The following ROBO1 variants were observed in gnomAD, a reference collection of about 807,000 sequenced individuals.
The protein encoded by ROBO1 is roundabout guidance receptor 1, also known as roundabout homolog 1.
In ROBO1, 149 loss-of-function variants were observed where a neutral mutation model predicts 195.9. The observed-to-expected ratio is 0.76, with a 90% CI of 0.67 to 0.87. ROBO1 has a LOEUF of 0.87. Ranked by LOEUF, ROBO1 falls within the 40% of genes least tolerant of loss-of-function variation. The pLI is 0.00. For synonymous variants in ROBO1, 816 were observed against 733.2 expected (o/e 1.11, Z -1.82); for missense variants, 1,933 against 2,068.3 (o/e 0.93, Z 1.27).
At chr3:78,853,233 T>C (rs939151388) in intron 4 of ROBO1, among the ~76,000 whole-genome samples, 4 of 151,074 alleles carry the variant, frequency 2.6e-5, no homozygotes, top group Non-Finnish European at 5.9e-5. Context: ...GGAGAGGTGA[T>C]GGGAGGGAGG....
At chr3:79,246,503 G>A (rs1188051868) in intron 2 of ROBO1, among the ~76,000 whole-genome samples, 1 of 151,960 alleles carries the variant, frequency 6.6e-6, no homozygotes, top group African/African-American at 2.4e-5. Context: ...TGGAAAGCCT[G>A]CTTAAATGTG....
At chr3:79,091,319 G>T (rs1248417800) in intron 3 of ROBO1, among the ~76,000 whole-genome samples, 1 of 152,048 alleles carries the variant, frequency 6.6e-6, no homozygotes, top group Non-Finnish European at 1.5e-5. Context: ...TTCAGGCATG[G>T]TTTGGCAGTG....
intron 3 of ROBO1, among the ~76,000 whole-genome samples, chr3:79,063,265 T>C (rs958154699): frequency 2.0e-5 from 3 of 151,922 alleles, no homozygotes; most frequent in African/African-American, 7.2e-5. Flanking sequence ...TGACTCCTGC[T>C]CCCATTCTCC....
chr3:79,067,215 A>T (rs2079018109), intron 3 of ROBO1, among the ~76,000 whole-genome samples: 1 of 151,970 alleles, frequency 6.6e-6, no homozygotes, highest in Non-Finnish European at 1.5e-5. Context: ...TATAATACTT[A>T]TGTAAAAAAA....
chr3:79,587,760 G>A (rs1475318082), intron 2 of ROBO1, among the ~76,000 whole-genome samples: 1 of 151,558 alleles, frequency 6.6e-6, no homozygotes, highest in East Asian at 1.9e-4. Flanking sequence ...GAAGAATCAA[G>A]ACTTCTCATC....
At chr3:79,170,061 A>C (rs1242206028) in intron 2 of ROBO1, among the ~76,000 whole-genome samples, 1 of 152,164 alleles carries the variant, frequency 6.6e-6, no homozygotes, top group Non-Finnish European at 1.5e-5. Flanking sequence ...GTCTTTAACA[A>C]CAAAGGAAAC....
chr3:79,039,396 G>C (rs975314582), intron 3 of ROBO1, among the ~76,000 whole-genome samples: 1 of 152,178 alleles, frequency 6.6e-6, no homozygotes, highest in Non-Finnish European at 1.5e-5. Flanking sequence ...GTCAACTTGA[G>C]TCATCTGTGG....
intron 1 of ROBO1, among the ~76,000 whole-genome samples, chr3:79,695,611 C>CA (rs373367957): frequency 7.9e-5 from 12 of 151,022 alleles, no homozygotes; most frequent in African/African-American, 2.9e-4. Context: ...GTGGAGAATG[C>CA]AAAAAACTCC....
chr3:78,813,090 C>G (rs778280935), intron 4 of ROBO1, among the ~76,000 whole-genome samples: 3 of 151,884 alleles, frequency 2.0e-5, no homozygotes, highest in African/African-American at 4.8e-5. Context: ...TTAAGTGATT[C>G]ATTAACAAAA....
chr3:78,676,752 C>A (rs1708459883), intron 10 of ROBO1, among the ~76,000 whole-genome samples: 1 of 152,210 alleles, frequency 6.6e-6, no homozygotes, highest in Admixed American at 6.5e-5. Flanking sequence ...AAACACTCTG[C>A]AGGATATTAT....
At chr3:79,260,771 G>T (rs188627368) in intron 2 of ROBO1, among the ~76,000 whole-genome samples, 3 of 152,172 alleles carry the variant, frequency 2.0e-5, no homozygotes, top group East Asian at 1.9e-4. Flanking sequence ...GAGAACTTCT[G>T]ATGGGAGCAA....
intron 2 of ROBO1, among the ~76,000 whole-genome samples, chr3:79,519,779 G>T (rs377700668): frequency 5.6e-4 from 85 of 152,040 alleles, no homozygotes; most frequent in African/African-American, 2.0e-3. Context: ...AAAATTAGAT[G>T]CATTATCACT....
chr3:79,305,986 T>A (rs1444263894), intron 2 of ROBO1, among the ~76,000 whole-genome samples: 1 of 152,164 alleles, frequency 6.6e-6, no homozygotes, highest in African/African-American at 2.4e-5. Context: ...TTGGAGAGCA[T>A]TTAATCTCCA....
chr3:79,079,171 T>C (rs1335987909), intron 3 of ROBO1, among the ~76,000 whole-genome samples: 4 of 151,748 alleles, frequency 2.6e-5, no homozygotes, highest in Admixed American at 6.6e-5. Flanking sequence ...TATTGAAGCA[T>C]GGAATAAAAG....
At chr3:78,880,572 A>T (rs2036120874) in intron 4 of ROBO1, among the ~76,000 whole-genome samples, 1 of 152,228 alleles carries the variant, frequency 6.6e-6, no homozygotes, top group African/African-American at 2.4e-5. Context: ...TGTTACAAAC[A>T]TACACAAAGA....
intron 5 of ROBO1, among the ~76,000 whole-genome samples, chr3:78,726,661 G>T (rs1310602656): frequency 6.6e-6 from 1 of 152,160 alleles, no homozygotes; most frequent in African/African-American, 2.4e-5. Flanking sequence ...TTGACCTAGA[G>T]AATAGAGAGC....
chr3:79,401,631 C>T (rs1324095019), intron 2 of ROBO1, among the ~76,000 whole-genome samples: 4 of 151,648 alleles, frequency 2.6e-5, no homozygotes, highest in African/African-American at 9.7e-5. Context: ...AATATGTATT[C>T]GTAAACACAA....
At chr3:78,884,825 G>T (rs936653342) in intron 4 of ROBO1, among the ~76,000 whole-genome samples, 1 of 150,162 alleles carries the variant, frequency 6.7e-6, no homozygotes, top group Non-Finnish European at 1.5e-5. Flanking sequence ...ATAACATAAG[G>T]AAAAAGAAGA....
chr3:78,637,923 T>C (rs1429235743), intron 22 of ROBO1, among the ~76,000 whole-genome samples: 2 of 150,382 alleles, frequency 1.3e-5, no homozygotes, highest in African/African-American at 2.5e-5. Context: ...ACTTCTATCA[T>C]CATAGAGATT....
Sources: allele counts gnomAD v4.1 joint callset (sites outside exome capture counted in the v4.1 genomes callset), GRCh38; gene constraint gnomAD v4.1.1; transcripts MANE v1.5; gene names NCBI Gene and HGNC (gene_info 2026-07-23, HGNC 2026-07-21).